The following GRM1 variants were observed in gnomAD, a reference collection of about 807,000 sequenced individuals.
GRM1 encodes the protein glutamate metabotropic receptor 1.
In GRM1, 33 loss-of-function variants were observed where a neutral mutation model predicts 90.9. The observed-to-expected ratio is 0.36, with a 90% CI of 0.28 to 0.49. The LOEUF is 0.49. Among genes scored for constraint, GRM1 ranks in the 20% least tolerant of loss-of-function variants. The pLI is 0.99. For missense variants in GRM1, 1,190 were observed against 1,534.3 expected (o/e 0.78, Z 3.75); for synonymous variants, 700 against 613.2 (o/e 1.14, Z -2.09).
At chr6:146,194,594 C>A (rs1779052952) in intron 2 of GRM1, among the ~76,000 whole-genome samples, 1 of 152,200 alleles carries the variant, frequency 6.6e-6, no homozygotes, top group Non-Finnish European at 1.5e-5. Context: ...CCCTGCTGAG[C>A]TTCCCAACAC....
rs147026605 is a variant in GRM1, at chr6:146,427,190, A to G, written c.2661-6682A>G. ...ACAAAAGTTTTGTGAGTCCCACAAA[A>G]AGTACACTTTACAAAAAGGAAAAGT... On this transcript the variant is annotated intron_variant, in intron 7 of 7. Coordinates refer to ENST00000282753, the MANE Select transcript of GRM1 (RefSeq NM_001278064.2). 2.6e-3 allele frequency among the ~76,000 whole-genome samples: 401 copies of G among 152,230 alleles called. 1 individual carries two copies. The highest frequency in any genetic ancestry group is 8.8e-3 in the African/African-American group (365 of 41,548).
At chr6:146,334,006 T>C (rs972579950) in intron 3 of GRM1, among the ~76,000 whole-genome samples, 23 of 152,286 alleles carry the variant, frequency 1.5e-4, no homozygotes, top group Non-Finnish European at 2.8e-4. Flanking sequence ...GGATGCCCAC[T>C]CTGGGTACCC....
intron 5 of GRM1, among the ~76,000 whole-genome samples, chr6:146,386,277 T>C (rs1041653021): frequency 2.0e-5 from 3 of 152,116 alleles, no homozygotes; most frequent in Non-Finnish European, 4.4e-5. Context: ...AGCTCTCCAG[T>C]AATTTTGAAC....
In GRM1 at chr6:146,162,916, C is replaced by A. The variant is rs182339431; in HGVS notation, c.950+3319C>A. ...TACTTAGTAGCTTTTTGTCTTGGAG[C>A]CTATTTTTTTCTATTAAAATAAAAT... On this transcript the variant is annotated intron_variant, in intron 2 of 7. Transcript: ENST00000282753. Among the ~76,000 whole-genome samples, 15 of 152,058 alleles carry A rather than the reference C, an allele frequency of 9.9e-5. No homozygotes were observed. The East Asian group carries it at 2.7e-3, about 27-fold the overall frequency.
chr6:146,233,875 C>A (rs1780533031), intron 2 of GRM1, among the ~76,000 whole-genome samples: 1 of 152,026 alleles, frequency 6.6e-6, no homozygotes, highest in Non-Finnish European at 1.5e-5. Flanking sequence ...TTTGTTCTAT[C>A]AATTACTAAG....
At chr6:146,407,516 G>A (rs983495253) in intron 7 of GRM1, among the ~76,000 whole-genome samples, 1 of 152,034 alleles carries the variant, frequency 6.6e-6, no homozygotes, top group Non-Finnish European at 1.5e-5. Flanking sequence ...AGATAAACTT[G>A]TATAGTCAAT....
chr6:146,180,095 T>C (rs1425386378), intron 2 of GRM1, among the ~76,000 whole-genome samples: 2 of 151,994 alleles, frequency 1.3e-5, no homozygotes, highest in African/African-American at 4.8e-5. Context: ...AAGTGAGCCA[T>C]GATCACCTAG....
At chr6:146,186,422 C>G (rs1480372979) in intron 2 of GRM1, among the ~76,000 whole-genome samples, 2 of 152,086 alleles carry the variant, frequency 1.3e-5, no homozygotes, top group Non-Finnish European at 2.9e-5. Context: ...ACACAGATTT[C>G]TTTTTCATTC....
In GRM1 at chr6:146,029,205, C is replaced by G; in HGVS notation, c.-313C>G. On this transcript the variant is annotated 5_prime_UTR_variant, in exon 1 of 8. Coordinates refer to ENST00000282753, the MANE Select transcript of GRM1 (RefSeq NM_001278064.2). The stretch of plus-strand genomic sequence containing the variant: ...TCTGTCTTTTGTCAGCAGCATCTAG[C>G]TCACCGCTGCCAACACGACTTCCAC... 2.3e-6 allele frequency: 1 copy of G among 441,734 alleles called. No homozygotes were observed. The highest frequency in any genetic ancestry group is 2.2e-5 in the South Asian group (1 of 45,424). The allele number at this position is 441,734 out of a possible 1,614,324, so 27.4% of individuals were successfully genotyped here.
chr6:146,256,622 C>A (rs1320819314), intron 2 of GRM1, among the ~76,000 whole-genome samples: 5 of 152,140 alleles, frequency 3.3e-5, no homozygotes, highest in Admixed American at 6.6e-5. Context: ...CTTTTGGATT[C>A]ATCTGCCATC....
intron 7 of GRM1, among the ~76,000 whole-genome samples, chr6:146,404,538 A>G (rs1290708100): frequency 1.3e-5 from 2 of 152,216 alleles, no homozygotes; most frequent in Non-Finnish European, 2.9e-5. Context: ...TAAAAGTAGC[A>G]TTTGAACTTG....
chr6:146,387,922 T>C (rs1449303396), intron 6 of GRM1, among the ~76,000 whole-genome samples: 1 of 151,978 alleles, frequency 6.6e-6, no homozygotes, highest in Non-Finnish European at 1.5e-5. Context: ...TTGATGCAAG[T>C]GAGTTACTTG....
At chr6:146,032,101 A>G (rs1790727616) in intron 1 of GRM1, among the ~76,000 whole-genome samples, 2 of 152,184 alleles carry the variant, frequency 1.3e-5, no homozygotes, top group African/African-American at 4.8e-5. Context: ...TGAATTGAAC[A>G]TGTTTTCACT....
At chr6:146,215,720 T>C (rs2328730) in intron 2 of GRM1, among the ~76,000 whole-genome samples, 1,727 of 152,160 alleles carry the variant, frequency 0.011, 74 homozygotes, top group East Asian at 0.079. Context: ...ACATCTCATA[T>C]AGCCCATAAA....
intron 2 of GRM1, among the ~76,000 whole-genome samples, chr6:146,170,516 C>T (rs1031334592): frequency 6.6e-6 from 1 of 152,104 alleles, no homozygotes; most frequent in Admixed American, 6.6e-5. Context: ...TATTGATTCA[C>T]TCAATATTTC....
intron 2 of GRM1, among the ~76,000 whole-genome samples, chr6:146,224,794 C>A (rs1780184523): frequency 6.6e-6 from 1 of 152,074 alleles, no homozygotes; most frequent in Non-Finnish European, 1.5e-5. Context: ...CAACCAACAA[C>A]TAACAACTAC....
chr6:146,278,397 T>C (rs899714945), intron 2 of GRM1, among the ~76,000 whole-genome samples: 1 of 152,184 alleles, frequency 6.6e-6, no homozygotes, highest in Non-Finnish European at 1.5e-5. Context: ...CTTGTTCTAT[T>C]GTGTTACTCC....
At chr6:146,079,255 T>C (rs1776285242) in intron 1 of GRM1, among the ~76,000 whole-genome samples, 1 of 152,202 alleles carries the variant, frequency 6.6e-6, no homozygotes, top group African/African-American at 2.4e-5. Flanking sequence ...TTGAGCAGCA[T>C]GCGGTTTCAG....
intron 1 of GRM1, among the ~76,000 whole-genome samples, chr6:146,103,275 T>C (rs914168668): frequency 2.6e-5 from 4 of 152,202 alleles, no homozygotes; most frequent in African/African-American, 7.2e-5. Context: ...GTGTTTTATA[T>C]AGTGAGGGAC....
Sources: gnomAD v4.1 joint callset for allele counts (sites outside exome capture counted in the v4.1 genomes callset) on GRCh38, gnomAD v4.1.1 for gene constraint, MANE v1.5 for transcripts, NCBI Gene and HGNC (gene_info 2026-07-23, HGNC 2026-07-21) for gene names.